The following PRDM15 variants were observed in gnomAD, a reference collection of about 807,000 sequenced individuals.
The protein encoded by PRDM15 is PR domain zinc finger protein 15.
Under a neutral mutation model 128.6 loss-of-function variants are expected in PRDM15, and 64 were observed. The observed-to-expected ratio is 0.50, with a 90% CI of 0.41 to 0.61. PRDM15 has a LOEUF of 0.61. PRDM15 is among the 20% of genes least tolerant of loss of function. PRDM15 has a pLI of 0.00. For missense variants in PRDM15, 1,242 were observed against 1,569.1 expected (o/e 0.79, Z 3.52); for synonymous variants, 615 against 621.8 (o/e 0.99, Z 0.16).
At chr21:41,856,789 G>A (rs2063647865) in intron 4 of PRDM15, among the ~76,000 whole-genome samples, 1 of 152,164 alleles carries the variant, frequency 6.6e-6, no homozygotes, top group South Asian at 2.1e-4. Context: ...CCCTTTGAAA[G>A]AGGTTTGCAA....
In PRDM15 at chr21:41,836,169, A is replaced by G. The variant is rs745399501; in HGVS notation, c.1222T>C (p.Phe408Leu). Residue 408 changes from phenylalanine (F) to leucine (L), a missense_variant, in exon 10 of 24, where the codon TTC (phenylalanine) becomes CTC (leucine). Phe to Leu is a conservative substitution (Grantham distance 22). Around this residue, in one of 3 missense-constraint regions of PRDM15, gnomAD observed 612 missense variants for 717.0 expected, o/e 0.85. Coordinates refer to ENST00000398548, the MANE Select transcript of PRDM15 (RefSeq NM_001040424.3). ...LFKCEECAKL[F>L]SRKESLKQHV... Reference sequence around the variant, plus strand: ...TGCTTTAGGCTCTCTTTGCGGCTGAACAATTTTGCACACTCTTCGCACTTA... The same window carrying G: ...TGCTTTAGGCTCTCTTTGCGGCTGAGCAATTTTGCACACTCTTCGCACTTA... The G allele has an allele frequency of 6.2e-7, 1 of 1,614,028 alleles. No individual in the cohort carries two copies. Among genetic ancestry groups the G allele is most frequent in the South Asian group, 1.1e-5 (1 of 91,078 alleles).
intron 21 of PRDM15, among the ~76,000 whole-genome samples, chr21:41,808,449 C>G (rs2061750642): frequency 6.6e-6 from 1 of 152,224 alleles, no homozygotes; most frequent in African/African-American, 2.4e-5. Flanking sequence ...TGCAGAGGAA[C>G]AGCAACACGG....
rs748880812 is a variant in PRDM15 at position 41,878,655 on chromosome 21, T to C, written c.-10+615A>G. The C allele has an allele frequency of 2.2e-6, 3 of 1,353,086 alleles. No homozygotes were observed. The South Asian group carries it at 3.7e-5, about 17-fold the overall frequency. 83.8% of individuals were successfully genotyped at this position (1,353,086 alleles called of 1,614,324 possible). ...ACCTTCTCTCTGCCACCAAAAGGCT[T>C]ACGAAAATAAGGCGCAGGGGGTCTG... is the stretch of plus-strand genomic sequence containing the variant. On this transcript the variant is annotated intron_variant, in intron 1 of 23. Transcript: ENST00000398548.
rs2062881391 is a variant in PRDM15, at chr21:41,836,131, G to T, written c.1260C>A (p.Tyr420Ter). 6.2e-7 allele frequency: 1 copy of T among 1,613,728 alleles called. No individual in the cohort carries two copies. The highest frequency in any genetic ancestry group is 1.7e-5 in the Admixed American group (1 of 59,984). ...RKESLKQHVS[Y>*]KHSRNEVDGE... is the part of the protein sequence containing the mutation. ...CACCCACCTCGTTCCTGCTGTGCTT[G>T]TAGGAAACGTGCTGCTTTAGGCTCT... The change falls in exon 10 of 24, where the codon TAC becomes TAA. Residue 420 changes from tyrosine (Y) to a stop codon, truncating the protein, a stop_gained. Coordinates refer to ENST00000398548, the MANE Select transcript of PRDM15 (RefSeq NM_001040424.3). LOFTEE classifies it high-confidence loss of function.
intron 21 of PRDM15, among the ~76,000 whole-genome samples, chr21:41,805,994 C>CCACCACCATCACCACCATCACCAT (rs2061558657): frequency 1.2e-5 from 1 of 80,756 alleles, no homozygotes; most frequent in African/African-American, 4.6e-5. Context: ...ACTATCACCA[C>CCACCACCATCACCACCATCACCAT]CACCACCACC....
intron 6 of PRDM15, among the ~76,000 whole-genome samples, chr21:41,842,556 TC>T (rs1264505019): frequency 6.6e-6 from 1 of 152,032 alleles, no homozygotes; most frequent in Non-Finnish European, 1.5e-5. Flanking sequence ...CAGTGTGCGA[TC>T]TCGGCTCACT....
At chr21:41,840,861 T>C (rs1394984259) in intron 6 of PRDM15, among the ~76,000 whole-genome samples, 1 of 151,180 alleles carries the variant, frequency 6.6e-6, no homozygotes, top group Non-Finnish European at 1.5e-5. Context: ...AAAACTTATA[T>C]AAAATAAAAA....
chr21:41,835,825 C>T (rs577527813), intron 10 of PRDM15, among the ~76,000 whole-genome samples: 7 of 152,040 alleles, frequency 4.6e-5, no homozygotes, highest in East Asian at 3.9e-4. Flanking sequence ...GGCCCAGGGA[C>T]GCCAGGACAC....
chr21:41,841,760 T>C (rs2063080633), intron 6 of PRDM15, among the ~76,000 whole-genome samples: 1 of 152,254 alleles, frequency 6.6e-6, no homozygotes, highest in Non-Finnish European at 1.5e-5. Flanking sequence ...TTGTGTTAAC[T>C]GTGTGCTTCA....
Position 41,815,852 on chromosome 21 carries a change from G to A in PRDM15, c.2261-16C>T, listed in dbSNP as rs766672374. The A allele has an allele frequency of 5.6e-6, 9 of 1,611,524 alleles. No individual in the cohort carries two copies. Among genetic ancestry groups the A allele is most frequent in the East Asian group, 2.2e-5 (1 of 44,868 alleles). ...GTCTTCATGCCTTCAAGGACACAGCGAGTCAGAGGCGGCCACACCCCCACG... is the reference window on the plus strand; with the variant it reads ...GTCTTCATGCCTTCAAGGACACAGCAAGTCAGAGGCGGCCACACCCCCACG... On this transcript the variant is annotated splice_polypyrimidine_tract_variant and intron_variant, in intron 18 of 23. Coordinates refer to ENST00000398548, the MANE Select transcript of PRDM15 (RefSeq NM_001040424.3).
rs2063858768 is a variant in PRDM15 at position 41,862,637 on chromosome 21, A to G, written c.-9-2265T>C. Among the ~76,000 whole-genome samples the G allele has an allele frequency of 6.6e-6, 1 of 152,272 alleles. No homozygotes were observed. The highest frequency in any genetic ancestry group is 2.1e-4 in the South Asian group (1 of 4,824). ...TGGTCCCCAAAATGAGGCCTCTCTA[A>G]AACGGCTCCTCTGGGCCCAAGATCA... On this transcript the variant is annotated intron_variant, in intron 1 of 23. Transcript: ENST00000398548. The surrounding 1 kb of genome is among the most constrained non-coding windows in gnomAD (Gnocchi z 4.1).
At chr21:41,861,200 C>G (rs1410719959) in intron 1 of PRDM15, among the ~76,000 whole-genome samples, 4 of 152,208 alleles carry the variant, frequency 2.6e-5, no homozygotes, top group African/African-American at 9.6e-5. Context: ...ATGCCTGGTG[C>G]CCCATAAACA....
At chr21:41,856,966 T>C (rs563857392) in intron 4 of PRDM15, among the ~76,000 whole-genome samples, 17 of 152,354 alleles carry the variant, frequency 1.1e-4, no homozygotes, top group Admixed American at 5.9e-4. Flanking sequence ...TTCTGCAAAA[T>C]TGAAAATTAC....
intron 1 of PRDM15, among the ~76,000 whole-genome samples, chr21:41,875,336 G>A (rs1182505292): frequency 6.6e-6 from 1 of 152,276 alleles, no homozygotes; most frequent in Non-Finnish European, 1.5e-5. Flanking sequence ...GCCAGGCCCC[G>A]GACGGCAGCT....
chr21:41,798,263 T>C lies in PRDM15; in HGVS notation c.*2977A>G, dbSNP rs1486538907. 2.0e-5 allele frequency: 3 copies of C among 152,154 alleles called. No homozygotes were observed. The highest frequency in any genetic ancestry group is 2.9e-5 in the Non-Finnish European group (2 of 68,034). 9.4% of individuals were successfully genotyped at this position (152,154 alleles called of 1,614,324 possible). ...TCACAGCACCTTTTATTCGTCATCATACAACCTGATGTGACAGGAAATACA... is the reference window on the plus strand; with the variant it reads ...TCACAGCACCTTTTATTCGTCATCACACAACCTGATGTGACAGGAAATACA... On this transcript the variant is annotated 3_prime_UTR_variant, in exon 24 of 24. Coordinates refer to ENST00000398548, the MANE Select transcript of PRDM15 (RefSeq NM_001040424.3).
rs771335120 is a variant in PRDM15 at position 41,801,235 on chromosome 21, G to A, written c.*5C>T. ...GTTCTTGCCCCGAGTCTCCCGGAAC[G>A]CAGCTCAGTAGCTGTACATCTGCTG... On this transcript the variant is annotated 3_prime_UTR_variant, in exon 24 of 24. Transcript: ENST00000398548. The A allele has an allele frequency of 8.6e-6, 13 of 1,513,692 alleles. No individual in the cohort carries two copies. The highest frequency in any genetic ancestry group is 4.5e-5 in the East Asian group (2 of 44,058). 93.8% of individuals were successfully genotyped at this position (1,513,692 alleles called of 1,614,324 possible).
chr21:41,872,959 T>C (rs912865172), intron 1 of PRDM15, among the ~76,000 whole-genome samples: 1 of 152,240 alleles, frequency 6.6e-6, no homozygotes, highest in Non-Finnish European at 1.5e-5. Context: ...CGGGTTCTGT[T>C]GCTGGTGGTG....
intron 1 of PRDM15, among the ~76,000 whole-genome samples, chr21:41,878,196 C>T (rs2064488637): frequency 6.6e-6 from 1 of 152,236 alleles, no homozygotes; most frequent in Non-Finnish European, 1.5e-5. Context: ...TCCAAATTCA[C>T]TTGAGTCTGG....
Position 41,823,416 on chromosome 21 carries a change from G to A in PRDM15, c.1663C>T (p.Leu555=), listed in dbSNP as rs2062355727. Residue 555 remains leucine (L), a synonymous_variant, in exon 14 of 24, where the codon CTG becomes TTG. Transcript: ENST00000398548. ...TACTTCTTGTCGCCGTGGGTGAGCA[G>A]GTGCTTGTTCATATTGCTCCGGCAG... is the stretch of plus-strand genomic sequence containing the variant. ...FSCRSNMNKH[L]LTHGDKKYTC... 2 of 1,558,880 alleles carry A rather than the reference G, an allele frequency of 1.3e-6. No individual in the cohort carries two copies. Among genetic ancestry groups the A allele is most frequent in the African/African-American group, 1.4e-5 (1 of 73,308 alleles).
Sources: gnomAD v4.1 joint callset for allele counts (sites outside exome capture counted in the v4.1 genomes callset) on GRCh38, gnomAD v4.1.1 for gene constraint, gnomAD v4.1.1 regional missense constraint, Gnocchi (gnomAD v3.1) non-coding constraint, MANE v1.5 for transcripts, NCBI Gene and HGNC (gene_info 2026-07-23, HGNC 2026-07-21) for gene names.